Variants in PLXNA4 observed in about 807,000 individuals in gnomAD.
PLXNA4 encodes plexin A4, also known as plexin-A4.
A neutral mutation model predicts 191.8 loss-of-function variants in PLXNA4; 44 were observed. The ratio of observed to expected loss-of-function variants is 0.23; its 90% CI spans 0.18 to 0.29. The LOEUF is 0.29. Among genes scored for constraint, PLXNA4 ranks in the 10% least tolerant of loss-of-function variants. The pLI, the probability that PLXNA4 is intolerant of heterozygous loss-of-function variation, is 1.00. For missense variants in PLXNA4, 1,800 were observed against 2,488.8 expected (o/e 0.72, Z 5.89); for synonymous variants, 1,082 against 1,009.5 (o/e 1.07, Z -1.36).
intron 1 of PLXNA4, among the ~76,000 whole-genome samples, chr7:132,509,622 A>G (rs908813260): frequency 1.3e-5 from 2 of 152,136 alleles, no homozygotes; most frequent in African/African-American, 4.8e-5. Context: ...TTAACTGCTA[A>G]ACCATCTCAG....
chr7:132,272,690 T>TC (rs1470012099), intron 4 of PLXNA4, among the ~76,000 whole-genome samples: 1 of 152,216 alleles, frequency 6.6e-6, no homozygotes, highest in Admixed American at 6.5e-5. Flanking sequence ...TTAACTTATG[T>TC]CCCAGCAACA....
intron 1 of PLXNA4, among the ~76,000 whole-genome samples, chr7:132,565,535 T>C (rs546024167): frequency 2.0e-5 from 3 of 152,200 alleles, no homozygotes; most frequent in Non-Finnish European, 2.9e-5. Context: ...TGAAGTGTTC[T>C]CTTTGTTGTT....
intron 3 of PLXNA4, among the ~76,000 whole-genome samples, chr7:132,300,610 T>C (rs1801268453): frequency 6.6e-6 from 1 of 152,192 alleles, no homozygotes. Context: ...CAGATGTCCA[T>C]GCTGGCCAGG....
chr7:132,407,276 G>A (rs544620029), intron 3 of PLXNA4, among the ~76,000 whole-genome samples: 1 of 152,310 alleles, frequency 6.6e-6, no homozygotes, highest in East Asian at 1.9e-4. Context: ...TGAACAGCAG[G>A]GATGAGATGG....
chr7:132,335,223 G>A (rs938674962), intron 3 of PLXNA4, among the ~76,000 whole-genome samples: 1 of 152,040 alleles, frequency 6.6e-6, no homozygotes, highest in Non-Finnish European at 1.5e-5. Flanking sequence ...ACCTTCACAG[G>A]GCTCGTGAGC....
intron 3 of PLXNA4, among the ~76,000 whole-genome samples, chr7:132,386,606 G>C (rs1450157636): frequency 6.6e-6 from 1 of 152,208 alleles, no homozygotes; most frequent in Non-Finnish European, 1.5e-5. Flanking sequence ...CATGCTCAGA[G>C]GCTCTCTGGC....
intron 9 of PLXNA4, among the ~76,000 whole-genome samples, chr7:132,211,935 A>G (rs1172384731): frequency 6.6e-6 from 1 of 152,156 alleles, no homozygotes; most frequent in Non-Finnish European, 1.5e-5. Flanking sequence ...GGTCAGAAGA[A>G]GGAGGGTGGG....
chr7:132,318,049 G>T (rs1802014644), intron 3 of PLXNA4, among the ~76,000 whole-genome samples: 1 of 152,224 alleles, frequency 6.6e-6, no homozygotes, highest in South Asian at 2.1e-4. Context: ...CCCGGTCAAA[G>T]AAACTCAATC....
intron 3 of PLXNA4, among the ~76,000 whole-genome samples, chr7:132,485,555 A>G (rs577384769): frequency 2.4e-4 from 37 of 152,188 alleles, no homozygotes; most frequent in Non-Finnish European, 4.4e-4. Flanking sequence ...TTCTGAGACA[A>G]CACTGAGCTG....
chr7:132,252,630 T>A (rs1252281549), intron 4 of PLXNA4, among the ~76,000 whole-genome samples: 1 of 152,214 alleles, frequency 6.6e-6, no homozygotes, highest in Non-Finnish European at 1.5e-5. Context: ...TTATGCACTG[T>A]CGGTGAGTGT....
chr7:132,516,156 A>C (rs1798926466), intron 1 of PLXNA4, among the ~76,000 whole-genome samples: 1 of 152,212 alleles, frequency 6.6e-6, no homozygotes, highest in South Asian at 2.1e-4. Flanking sequence ...GACCAACCTA[A>C]AAAACTGGTT....
chr7:132,304,667 T>G (rs1385997504), intron 3 of PLXNA4, among the ~76,000 whole-genome samples: 2 of 152,192 alleles, frequency 1.3e-5, no homozygotes, highest in Admixed American at 6.5e-5. Flanking sequence ...TTCTAGACTA[T>G]TCTCTTTCCT....
intron 15 of PLXNA4, 48 bp downstream of exon 15, chr7:132,187,423 T>C (rs777208937): frequency 1.4e-5 from 23 of 1,589,730 alleles, no homozygotes; most frequent in Middle Eastern, 3.4e-4. Context: ...CATTTACCTG[T>C]CTAACCTTTC....
chr7:132,177,045 G>T (rs957875967), intron 20 of PLXNA4, among the ~76,000 whole-genome samples: 1 of 152,112 alleles, frequency 6.6e-6, no homozygotes, highest in South Asian at 2.1e-4. Context: ...ATATGTCAGT[G>T]TGTGTGTACG....
intron 3 of PLXNA4, among the ~76,000 whole-genome samples, chr7:132,303,337 G>A (rs920758284): frequency 2.7e-5 from 4 of 149,764 alleles, no homozygotes; most frequent in East Asian, 2.0e-4. Flanking sequence ...TTGGGAAGCC[G>A]AGGTGGGCGG....
At chr7:132,138,589 C>T (rs1291144700) in intron 30 of PLXNA4, among the ~76,000 whole-genome samples, 1 of 152,148 alleles carries the variant, frequency 6.6e-6, no homozygotes, top group East Asian at 1.9e-4. Flanking sequence ...TCTTTGTACC[C>T]CGGTCCCGAA....
At chr7:132,562,727 GTCC>G (rs1186332810) in intron 1 of PLXNA4, among the ~76,000 whole-genome samples, 24 of 30,214 alleles carry the variant, frequency 7.9e-4, no homozygotes, top group South Asian at 7.6e-3. Flanking sequence ...CCTTTTCCTC[GTCC>G]TCCTCCTTCT....
intron 4 of PLXNA4, among the ~76,000 whole-genome samples, chr7:132,252,111 T>G (rs2117084175): frequency 6.6e-6 from 1 of 152,126 alleles, no homozygotes; most frequent in Non-Finnish European, 1.5e-5. Context: ...TGAACTTATA[T>G]GAGCTTCCAT....
chr7:132,441,010 GTAT>G (rs1324965955), intron 3 of PLXNA4, among the ~76,000 whole-genome samples: 1 of 152,172 alleles, frequency 6.6e-6, no homozygotes, highest in Non-Finnish European at 1.5e-5. Flanking sequence ...TGCAAAGTAA[GTAT>G]TATTATTTCC....
Sources: allele counts gnomAD v4.1 joint callset (sites outside exome capture counted in the v4.1 genomes callset), GRCh38; gene constraint gnomAD v4.1.1; transcripts MANE v1.5; gene names NCBI Gene and HGNC (gene_info 2026-07-23, HGNC 2026-07-21).